Variants in SLC24A2 observed in about 807,000 individuals in gnomAD.
SLC24A2 encodes solute carrier family 24 member 2, also known as sodium/potassium/calcium exchanger 2.
Under a neutral mutation model 62.0 loss-of-function variants are expected in SLC24A2, and 36 were observed. That is an observed-to-expected ratio of 0.58 (90% CI 0.44 to 0.77). The LOEUF is 0.77. SLC24A2 is among the 30% of genes least tolerant of loss of function. The probability of loss-of-function intolerance (pLI) is 0.00; values close to 1 mark genes in which losing one functional copy is unlikely to be tolerated. For missense variants in SLC24A2, 846 were observed against 817.9 expected (o/e 1.03, Z -0.42); for synonymous variants, 358 against 294.0 (o/e 1.22, Z -2.23).
At chr9:19,571,504 C>G (rs1422223203) in intron 7 of SLC24A2, among the ~76,000 whole-genome samples, 4 of 152,078 alleles carry the variant, frequency 2.6e-5, no homozygotes, top group African/African-American at 9.6e-5. Flanking sequence ...GAAGTTCTGT[C>G]TAGAGAGTGC....
chr9:19,521,087 C>T (rs1318729217), intron 9 of SLC24A2, 27 bp from the exon 10 acceptor site: 2 of 1,610,368 alleles, frequency 1.2e-6, no homozygotes, highest in African/African-American at 2.7e-5. Context: ...GAATAAACAT[C>T]TCAGTGTTTG....
the SLC24A2 span, among the ~76,000 whole-genome samples, chr9:19,877,664 G>A: frequency 6.6e-6 from 1 of 151,778 alleles, no homozygotes; most frequent in African/African-American, 2.4e-5. Context: ...AGATAGAACT[G>A]TGGCAGATGG....
At chr9:19,740,959 T>C (rs992077657) in intron 2 of SLC24A2, among the ~76,000 whole-genome samples, 6 of 151,920 alleles carry the variant, frequency 3.9e-5, no homozygotes, top group African/African-American at 1.5e-4. Context: ...CACTGAACCA[T>C]TGAATCACAG....
At chr9:19,966,799 G>C in the SLC24A2 span, among the ~76,000 whole-genome samples, 1 of 152,142 alleles carries the variant, frequency 6.6e-6, no homozygotes, top group Non-Finnish European at 1.5e-5. Context: ...CAATTGCTGA[G>C]AGTATGAAAT....
At chr9:20,257,249 A>G in the SLC24A2 span, among the ~76,000 whole-genome samples, 3 of 152,234 alleles carry the variant, frequency 2.0e-5, no homozygotes, top group African/African-American at 7.2e-5. Flanking sequence ...AATACATCAT[A>G]AGATTAAAAA....
At chr9:19,686,345 G>C (rs977001537) in intron 2 of SLC24A2, among the ~76,000 whole-genome samples, 16 of 152,122 alleles carry the variant, frequency 1.1e-4, no homozygotes, top group African/African-American at 3.6e-4. Context: ...GGAAAGCAGT[G>C]AAGTGATTTT....
chr9:20,210,506 C>G, the SLC24A2 span, among the ~76,000 whole-genome samples: 1 of 152,014 alleles, frequency 6.6e-6, no homozygotes, highest in Non-Finnish European at 1.5e-5. Flanking sequence ...ACAGATCTCG[C>G]TCTGTCGCCC....
the SLC24A2 span, among the ~76,000 whole-genome samples, chr9:20,165,032 C>A: frequency 1.3e-5 from 2 of 149,026 alleles, no homozygotes; most frequent in African/African-American, 4.9e-5. Context: ...ATACCTAATG[C>A]TAAATGACGA....
At chr9:19,860,586 C>T in the SLC24A2 span, among the ~76,000 whole-genome samples, 1 of 152,110 alleles carries the variant, frequency 6.6e-6, no homozygotes, top group African/African-American at 2.4e-5. Flanking sequence ...AAAACTTTAT[C>T]TTGCACCTTA....
At chr9:20,223,326 G>GATATAT in the SLC24A2 span, among the ~76,000 whole-genome samples, 27 of 152,192 alleles carry the variant, frequency 1.8e-4, no homozygotes, top group East Asian at 4.6e-3. Flanking sequence ...TTTTCAAATT[G>GATATAT]ATATATAAAT....
the SLC24A2 span, among the ~76,000 whole-genome samples, chr9:19,975,805 C>T: frequency 6.6e-6 from 1 of 151,956 alleles, no homozygotes; most frequent in East Asian, 1.9e-4. Context: ...GTATAGGTGG[C>T]CCTCCATATC....
chr9:19,869,296 T>TATGG, the SLC24A2 span, among the ~76,000 whole-genome samples: 3 of 152,214 alleles, frequency 2.0e-5, no homozygotes, highest in African/African-American at 7.2e-5. Context: ...ATGGGACTTA[T>TATGG]GTCTGCTATT....
chr9:20,177,231 T>C, the SLC24A2 span, among the ~76,000 whole-genome samples: 1 of 152,144 alleles, frequency 6.6e-6, no homozygotes, highest in South Asian at 2.1e-4. Flanking sequence ...ACTTTTTATT[T>C]AAACTTTCAA....
chr9:20,278,123 A>G, the SLC24A2 span, among the ~76,000 whole-genome samples: 1 of 152,166 alleles, frequency 6.6e-6, no homozygotes, highest in Admixed American at 6.5e-5. Context: ...ATTAGGAGAT[A>G]TACCTAATGT....
At chr9:19,850,904 A>C in the SLC24A2 span, among the ~76,000 whole-genome samples, 1 of 134,686 alleles carries the variant, frequency 7.4e-6, no homozygotes, top group South Asian at 2.4e-4. Flanking sequence ...GGCTATTATG[A>C]ACATTCCTGT....
chr9:19,655,150 G>C (rs748872068), intron 2 of SLC24A2, among the ~76,000 whole-genome samples: 27 of 152,210 alleles, frequency 1.8e-4, no homozygotes, highest in Non-Finnish European at 7.3e-5. Flanking sequence ...CTCAAATTCA[G>C]AAGTATGGAA....
At chr9:19,777,628 G>A (rs917636142) in intron 2 of SLC24A2, among the ~76,000 whole-genome samples, 4 of 152,048 alleles carry the variant, frequency 2.6e-5, no homozygotes, top group African/African-American at 9.7e-5. Context: ...CCTTAAAATT[G>A]TATATATTCA....
intron 2 of SLC24A2, among the ~76,000 whole-genome samples, chr9:19,699,514 C>T (rs1207832580): frequency 6.6e-6 from 1 of 152,140 alleles, no homozygotes; most frequent in African/African-American, 2.4e-5. Context: ...TATTATGATA[C>T]ATGAGGCAGT....
chr9:19,554,324 A>G (rs773515089), intron 7 of SLC24A2, among the ~76,000 whole-genome samples: 13 of 152,234 alleles, frequency 8.5e-5, no homozygotes, highest in African/African-American at 2.2e-4. Flanking sequence ...AAAGCAATAC[A>G]GTGTAACAAC....
Sources: gnomAD v4.1 joint callset for allele counts (sites outside exome capture counted in the v4.1 genomes callset) on GRCh38, gnomAD v4.1.1 for gene constraint, MANE v1.5 for transcripts, NCBI Gene and HGNC (gene_info 2026-07-23, HGNC 2026-07-21) for gene names.